Variants in HELLS observed in about 807,000 individuals in gnomAD.
HELLS encodes helicase, lymphoid specific, also known as lymphoid-specific helicase.
A neutral mutation model predicts 120.0 loss-of-function variants in HELLS; 32 were observed. The ratio of observed to expected loss-of-function variants is 0.27; its 90% CI spans 0.20 to 0.36. The LOEUF (loss-of-function observed/expected upper bound fraction) is 0.36, where lower values mean the gene tolerates loss of function less well. Among genes scored for constraint, HELLS ranks in the 10% least tolerant of loss-of-function variants. The pLI is 1.00. For synonymous variants in HELLS, 341 were observed against 323.4 expected, an observed-to-expected ratio of 1.05 and a Z score of -0.58; for missense variants, 650 against 993.4, an observed-to-expected ratio of 0.65 and a Z score of 4.65.
At chr10:94,585,174 G>C (rs1246263411) in intron 12 of HELLS, among the ~76,000 whole-genome samples, 1 of 151,406 alleles carries the variant, frequency 6.6e-6, no homozygotes, top group Non-Finnish European at 1.5e-5. Context: ...CATATTGAAG[G>C]CCAAAAGCAG....
intron 9 of HELLS, chr10:94,608,045 C>G: frequency 4.7e-6 from 1 of 214,448 alleles, no homozygotes; most frequent in South Asian, 5.3e-5. Flanking sequence ...TTATAAGAAG[C>G]CTACAAAGCC....
exon 10 of HELLS, chr10:94,612,384 C>T (rs1468204904): frequency 1.3e-5 from 2 of 152,108 alleles, no homozygotes; most frequent in African/African-American, 4.8e-5. Flanking sequence ...GGTATTGAAC[C>T]TTCAAGATCC....
At chr10:94,572,055 T>G (rs1010214361) in intron 7 of HELLS, among the ~76,000 whole-genome samples, 2 of 152,216 alleles carry the variant, frequency 1.3e-5, no homozygotes, top group African/African-American at 2.4e-5. Context: ...AAATGAGAGA[T>G]AATCTATTTG....
chr10:94,601,616 G>A lies in HELLS; in HGVS notation c.2511G>A (p.Leu837=). The change falls in exon 22 of 22, where the codon TTG becomes TTA. Residue 837 remains leucine (L), a synonymous_variant. Coordinates refer to ENST00000348459, the MANE Select transcript of HELLS (RefSeq NM_018063.5). ...ENSEDSSPEC[L]F is the part of the protein sequence containing the mutation. Reference sequence around the variant, plus strand: ...CTGAAGATTCCAGTCCTGAATGTTTGTTTTAAAGTGGAGCTCAAGAATAGC... The same window carrying A: ...CTGAAGATTCCAGTCCTGAATGTTTATTTTAAAGTGGAGCTCAAGAATAGC... The A allele has an allele frequency of 4.0e-6, 6 of 1,518,208 alleles. No individual in the cohort carries two copies. The highest frequency in any genetic ancestry group is 5.4e-6 in the Non-Finnish European group (6 of 1,105,152). 94.0% of individuals were successfully genotyped at this position (1,518,208 alleles called of 1,614,324 possible).
intron 2 of HELLS, 75 bp from the exon 3 acceptor site, chr10:94,554,051 T>C: frequency 7.4e-7 from 1 of 1,345,974 alleles, no homozygotes; most frequent in Non-Finnish European, 1.0e-6. Flanking sequence ...TAGCCATTTT[T>C]ATTAAACTTT....
At chr10:94,594,571 TTTAAA>T (rs1845653055) in intron 18 of HELLS, 119 bp from the exon 19 acceptor site, 3 of 616,808 alleles carry the variant, frequency 4.9e-6, no homozygotes, top group African/African-American at 1.8e-5. Flanking sequence ...ACTCTGGAAG[TTTAAA>T]TTAAGACACC....
intron 9 of HELLS, among the ~76,000 whole-genome samples, chr10:94,608,540 G>T (rs1846153841): frequency 6.6e-6 from 1 of 151,998 alleles, no homozygotes; most frequent in Admixed American, 6.5e-5. Flanking sequence ...CAATTAAAGT[G>T]GTCAAAGAAA....
In HELLS at chr10:94,601,698, ATTG is replaced by A; in HGVS notation, c.*78_*80del. On this transcript the variant is annotated 3_prime_UTR_variant, in exon 22 of 22. Transcript: ENST00000348459. ...TCCCTGTATTGGGTTTGAAATACTG[ATTG>A]TCCACTTCACCTTTTTTATTATATC... is the stretch of plus-strand genomic sequence containing the variant. 2 of 719,462 alleles carry A rather than the reference ATTG, an allele frequency of 2.8e-6. No individual in the cohort carries two copies. The highest frequency in any genetic ancestry group is 2.4e-6 in the Non-Finnish European group (1 of 422,190). 44.6% of individuals were successfully genotyped at this position (719,462 alleles called of 1,614,324 possible). A position where few individuals can be genotyped will look rare whatever the true frequency, so the allele number is the denominator to read the frequency against.
Position 94,562,918 on chromosome 10 carries a change from G to A in HELLS, c.435+42G>A, listed in dbSNP as rs780799679. On this transcript the variant is annotated intron_variant, in intron 6 of 21. Coordinates refer to ENST00000348459, the MANE Select transcript of HELLS (RefSeq NM_018063.5). ...GAGGGCACCTAACATTTGATGTTGA[G>A]TAAAATGTAGGTTTTAAACCACCTT... The A allele has an allele frequency of 9.3e-6, 11 of 1,187,080 alleles. No homozygotes were observed. In the East Asian group the frequency reaches 2.1e-4, roughly 23 times the overall value. 73.5% of individuals were successfully genotyped at this position (1,187,080 alleles called of 1,614,324 possible).
rs1286495110 is a variant in HELLS at position 94,562,679 on chromosome 10, C to T, written c.334-12C>T. On this transcript the variant is annotated splice_polypyrimidine_tract_variant and intron_variant, in intron 4 of 21. Transcript: ENST00000348459. ...CTTAATAAAATCAATATTCTGAATC[C>T]TTGTTTTGTAGGGTAAAAATTCAAT... The T allele has an allele frequency of 1.3e-6, 2 of 1,563,386 alleles. No individual in the cohort carries two copies. Among genetic ancestry groups the T allele is most frequent in the Admixed American group, 1.8e-5 (1 of 56,474 alleles).
chr10:94,592,353 T>G (rs1258371759), intron 16 of HELLS, 41 bp downstream of exon 16: 1 of 1,581,884 alleles, frequency 6.3e-7, no homozygotes, highest in Non-Finnish European at 8.6e-7. Context: ...TCAATTATTT[T>G]TTTATCAATC....
intron 2 of HELLS, 60 bp from the exon 3 acceptor site, chr10:94,554,066 C>A: frequency 9.9e-6 from 14 of 1,412,948 alleles, no homozygotes; most frequent in African/African-American, 3.1e-5. Flanking sequence ...AACTTTATGC[C>A]AAAAAAATTA....
At chr10:94,598,729 C>CA (rs527431049) in intron 21 of HELLS, among the ~76,000 whole-genome samples, 128 of 150,032 alleles carry the variant, frequency 8.5e-4, no homozygotes, top group African/African-American at 3.1e-3. Flanking sequence ...TAATGAATTT[C>CA]AATTTTAACA....
rs573405639 is a variant in HELLS at position 94,577,375 on chromosome 10, T to G, written c.1032+570T>G. 2.3e-5 allele frequency: 5 copies of G among 219,524 alleles called. No homozygotes were observed. The South Asian group carries it at 3.1e-4, about 13-fold the overall frequency. 13.6% of individuals were successfully genotyped at this position (219,524 alleles called of 1,614,324 possible). A position where few individuals can be genotyped will look rare whatever the true frequency, so the allele number is the denominator to read the frequency against. Reference sequence around the variant, plus strand: ...TTATAATTCTTGACTGCTTTTTTTTTCCTTTCTCTGGCCATGTGAGAACCC... The same window carrying G: ...TTATAATTCTTGACTGCTTTTTTTTGCCTTTCTCTGGCCATGTGAGAACCC... On this transcript the variant is annotated intron_variant, in intron 10 of 21. Transcript: ENST00000348459.
At chr10:94,573,391 C>T (rs546542204) in intron 7 of HELLS, among the ~76,000 whole-genome samples, 193 of 152,236 alleles carry the variant, frequency 1.3e-3, no homozygotes, top group South Asian at 5.0e-3. Flanking sequence ...AGATACAATT[C>T]TAATGATCTT....
At chr10:94,587,738 T>C (rs1845242927) in intron 12 of HELLS, among the ~76,000 whole-genome samples, 1 of 152,224 alleles carries the variant, frequency 6.6e-6, no homozygotes, top group African/African-American at 2.4e-5. Flanking sequence ...CTAGTTATAC[T>C]CTTCTTTATA....
chr10:94,561,675 C>T (rs1410790915), intron 4 of HELLS, among the ~76,000 whole-genome samples: 2 of 152,008 alleles, frequency 1.3e-5, no homozygotes, highest in Admixed American at 6.6e-5. Flanking sequence ...CTTTGTTGCC[C>T]AAGCTGGTCT....
At chr10:94,600,531 C>T (rs1026169208) in intron 21 of HELLS, among the ~76,000 whole-genome samples, 35 of 151,982 alleles carry the variant, frequency 2.3e-4, no homozygotes, top group African/African-American at 8.2e-4. Flanking sequence ...ACAACTTTCA[C>T]GAAAAGCTAA....
chr10:94,580,185 A>ACAT (rs1491523737), intron 10 of HELLS, among the ~76,000 whole-genome samples: 46 of 69,354 alleles, frequency 6.6e-4, no homozygotes, highest in Non-Finnish European at 8.6e-4. Flanking sequence ...ACACACACAC[A>ACAT]TTTTTTTTTT....
Sources: gnomAD v4.1 joint callset for allele counts (sites outside exome capture counted in the v4.1 genomes callset) on GRCh38, gnomAD v4.1.1 for gene constraint, MANE v1.5 for transcripts, NCBI Gene and HGNC (gene_info 2026-07-23, HGNC 2026-07-21) for gene names.